Variants in NIN observed in about 807,000 individuals in gnomAD.
The protein encoded by NIN is ninein.
Under a neutral mutation model 257.6 loss-of-function variants are expected in NIN, and 137 were observed. The observed-to-expected ratio is 0.53, with a 90% CI of 0.46 to 0.61. NIN has a LOEUF of 0.61. Among genes scored for constraint, NIN ranks in the 20% least tolerant of loss-of-function variants. NIN has a pLI of 0.00. For synonymous variants in NIN, 918 were observed against 919.8 expected, an observed-to-expected ratio of 1.00 and a Z score of 0.04; for missense variants, 2,439 against 2,501.2, an observed-to-expected ratio of 0.98 and a Z score of 0.53.
At chr14:50,786,845 G>A (rs2141972351) in intron 5 of NIN, among the ~76,000 whole-genome samples, 1 of 152,338 alleles carries the variant, frequency 6.6e-6, no homozygotes, top group African/African-American at 2.4e-5. Flanking sequence ...TCTGTACGAT[G>A]TAAATGAATA....
At chr14:50,811,544 CTTTTTTTT>C (rs55734117) in intron 3 of NIN, among the ~76,000 whole-genome samples, 16,583 of 76,826 alleles carry the variant, frequency 0.22, 1,323 homozygotes, top group East Asian at 0.46. Flanking sequence ...AATGGTCAAG[CTTTTTTTT>C]TTTTTTTTTT....
In NIN at chr14:50,770,528, C is replaced by A. The variant is rs758453379; in HGVS notation, c.1294G>T (p.Ala432Ser). 6.2e-7 allele frequency: 1 copy of A among 1,614,200 alleles called. No homozygotes were observed. Among genetic ancestry groups the A allele is most frequent in the Non-Finnish European group, 8.5e-7 (1 of 1,180,016 alleles). The change falls in exon 12 of 31, where the codon GCC becomes TCC. Residue 432 changes from alanine to serine, a missense_variant. By Grantham distance (99) the Ala-to-Ser change is moderately conservative. Around this residue, in one of 3 missense-constraint regions of NIN, gnomAD observed 2,043 missense variants for 2,050.2 expected, o/e 1.00. Coordinates refer to ENST00000530997, the MANE Select transcript of NIN (RefSeq NM_020921.4). The stretch of plus-strand genomic sequence containing the variant: ...TCTTTTCGGAGTTCATTTTTTAAGG[C>A]TGCTATTCGCTCCTTGTACTCTTCA... ...LDEEYKERIA[A>S]LKNELRKERE...
rs2042094829 is a variant in NIN, at chr14:50,757,692, G to C, written c.3338C>G (p.Thr1113Ser). 1 of 1,614,044 alleles carries C rather than the reference G, an allele frequency of 6.2e-7. No homozygotes were observed. The highest frequency in any genetic ancestry group is 8.5e-7 in the Non-Finnish European group (1 of 1,180,036). The change falls in exon 18 of 31, where the codon ACT (threonine) becomes AGT (serine). Residue 1113 changes from threonine (T) to serine (S), a missense_variant. Physicochemically the swap from Thr to Ser is moderately conservative, Grantham distance 58 (BLOSUM62 1). Transcript: ENST00000530997. Reference protein sequence around the residue: ...VMSSCLDEPATEFFGNTAEQT... With the variant: ...VMSSCLDEPASEFFGNTAEQT... ...TTCCGCAGTATTTCCAAAAAACTCA[G>C]TAGCTGGCTCATCCAAACAAGAAGA...
intron 28 of NIN, chr14:50,730,984 C>T: frequency 7.5e-7 from 1 of 1,331,664 alleles, no homozygotes. Flanking sequence ...CCACTGAGTT[C>T]TAGGTACAGG....
upstream of NIN, among the ~76,000 whole-genome samples, chr14:50,831,368 C>G (rs952658750): frequency 6.6e-6 from 1 of 152,148 alleles, no homozygotes; most frequent in Admixed American, 6.5e-5. Flanking sequence ...AGGCTGGCGC[C>G]CCGAGGTCGC....
intron 4 of NIN, among the ~76,000 whole-genome samples, chr14:50,793,254 G>A (rs1318650241): frequency 1.3e-5 from 2 of 151,982 alleles, no homozygotes; most frequent in African/African-American, 4.8e-5. Context: ...AGACACCTTG[G>A]AGGAAGTCTT....
chr14:50,739,525 C>T (rs1566788787), intron 25 of NIN, 38 bp from the exon 26 acceptor site: 1 of 1,592,648 alleles, frequency 6.3e-7, no homozygotes, highest in Non-Finnish European at 8.6e-7. Context: ...TAAAAACAAG[C>T]TATTGGGTAA....
At chr14:50,748,292 C>T (rs1266708594) in intron 21 of NIN, among the ~76,000 whole-genome samples, 187 bp from the exon 22 acceptor site, 1 of 152,138 alleles carries the variant, frequency 6.6e-6, no homozygotes, top group Non-Finnish European at 1.5e-5. Flanking sequence ...ATGCTAAAAA[C>T]TCTCAATAAA....
chr14:50,799,812 A>G (rs1213673631), intron 4 of NIN, among the ~76,000 whole-genome samples: 1 of 152,116 alleles, frequency 6.6e-6, no homozygotes, highest in Non-Finnish European at 1.5e-5. Context: ...TGTTTCTACT[A>G]AAAATACAAA....
At chr14:50,793,708 T>G (rs2043703303) in intron 4 of NIN, among the ~76,000 whole-genome samples, 1 of 152,068 alleles carries the variant, frequency 6.6e-6, no homozygotes, top group African/African-American at 2.4e-5. Flanking sequence ...CCACCACTGC[T>G]GCCATCACCA....
rs2042040602 is a variant in NIN at position 50,756,661 on chromosome 14, C to T, written c.4369G>A (p.Glu1457Lys). The change falls in exon 18 of 31, where the codon GAG (glutamate) becomes AAG (lysine). Residue 1457 changes from glutamate to lysine, a missense_variant. Around this residue, in one of 3 missense-constraint regions of NIN, gnomAD observed 2,043 missense variants for 2,050.2 expected, o/e 1.00. Transcript: ENST00000530997. ...GTCAGCTCCTGTAACTTTGTTTTCT[C>T]CAGTTCTAACTCTGCTATGGTGGCC... The part of the protein sequence containing the change: ...HQATIAELEL[E>K]KTKLQELTRK... 2 of 1,552,602 alleles carry T rather than the reference C, an allele frequency of 1.3e-6. No homozygotes were observed. Among genetic ancestry groups the T allele is most frequent in the Non-Finnish European group, 1.7e-6 (2 of 1,147,382 alleles).
At chr14:50,803,450 C>G (rs1595900604) in intron 4 of NIN, among the ~76,000 whole-genome samples, 1 of 152,312 alleles carries the variant, frequency 6.6e-6, no homozygotes, top group Non-Finnish European at 1.5e-5. Flanking sequence ...GCATCCCTGT[C>G]CCTAACGATC....
chr14:50,733,345 C>T (rs2040815376), intron 28 of NIN, among the ~76,000 whole-genome samples: 1 of 152,120 alleles, frequency 6.6e-6, no homozygotes, highest in Non-Finnish European at 1.5e-5. Context: ...CCTGCCTCAG[C>T]CTCCCAAAGT....
rs1350422991 is a variant in NIN, at chr14:50,722,544, A to C, written c.*919T>G. The C allele has an allele frequency of 4.8e-6, 1 of 209,490 alleles. No individual in the cohort carries two copies. The highest frequency in any genetic ancestry group is 9.7e-6 in the Non-Finnish European group (1 of 102,796). 13.0% of individuals were successfully genotyped at this position (209,490 alleles called of 1,614,324 possible). On this transcript the variant is annotated 3_prime_UTR_variant, in exon 31 of 31. Transcript: ENST00000530997. ...AGGCCCTACAGTAGTTCAGGAAGAC[A>C]GTTTACAGTATTGTTCCCTGAGTTC...
chr14:50,810,501 G>A (rs2044542116), intron 3 of NIN, among the ~76,000 whole-genome samples: 1 of 152,084 alleles, frequency 6.6e-6, no homozygotes, highest in Non-Finnish European at 1.5e-5. Flanking sequence ...AGACCAGCCT[G>A]ATAACACAGC....
chr14:50,768,184 T>C (rs920743805), intron 12 of NIN, among the ~76,000 whole-genome samples: 2 of 151,786 alleles, frequency 1.3e-5, no homozygotes, highest in Non-Finnish European at 2.9e-5. Flanking sequence ...GCCAAAAGAA[T>C]ACAGAGCCAG....
At chr14:50,777,488 C>T (rs77898088) in intron 6 of NIN, among the ~76,000 whole-genome samples, 5,640 of 152,308 alleles carry the variant, frequency 0.037, 111 homozygotes, top group Non-Finnish European at 0.05. Flanking sequence ...GGGCCATTAT[C>T]GAGAACTCTG....
At chr14:50,799,346 G>T (rs2043981283) in intron 4 of NIN, among the ~76,000 whole-genome samples, 2 of 152,186 alleles carry the variant, frequency 1.3e-5, no homozygotes, top group South Asian at 2.1e-4. Flanking sequence ...CTTCCACCGG[G>T]ACTCCTGTGA....
In NIN at chr14:50,759,895, C is replaced by G; in HGVS notation, c.2361G>C (p.Glu787Asp). 1 of 1,613,200 alleles carries G rather than the reference C, an allele frequency of 6.2e-7. No individual in the cohort carries two copies. Among genetic ancestry groups the G allele is most frequent in the Non-Finnish European group, 8.5e-7 (1 of 1,179,712 alleles). The change falls in exon 17 of 31, where the codon GAG (glutamate) becomes GAC (aspartate). Residue 787 changes from glutamate to aspartate, a missense_variant. Transcript: ENST00000530997. Reference sequence around the variant, plus strand: ...GCTCCCTTTGGTGCTTTTCCAAGAGCTCTTTTCTTAACTCCTCTTTCTCAA... The same window carrying G: ...GCTCCCTTTGGTGCTTTTCCAAGAGGTCTTTTCTTAACTCCTCTTTCTCAA... ...HTLEKEELRK[E>D]LLEKHQRELQ... is the part of the protein sequence containing the mutation.
Sources: gnomAD v4.1 joint callset for allele counts (sites outside exome capture counted in the v4.1 genomes callset) on GRCh38, gnomAD v4.1.1 for gene constraint, gnomAD v4.1.1 regional missense constraint, MANE v1.5 for transcripts, NCBI Gene and HGNC (gene_info 2026-07-23, HGNC 2026-07-21) for gene names.